The following MALRD1 variants were observed in gnomAD, a reference collection of about 807,000 sequenced individuals.
MALRD1 encodes the protein MAM and LDL receptor class A domain containing 1.
In MALRD1, 247 loss-of-function variants were observed where a neutral mutation model predicts 242.1. That is an observed-to-expected ratio of 1.02 (90% CI 0.92 to 1.13). The LOEUF (loss-of-function observed/expected upper bound fraction) is 1.13. Ranked by LOEUF, MALRD1 falls within the 50% of genes most tolerant of loss-of-function variation. The probability of loss-of-function intolerance (pLI) is 0.00; values close to 1 mark genes in which losing one functional copy is unlikely to be tolerated. For synonymous variants in MALRD1, 995 were observed against 866.6 expected, an observed-to-expected ratio of 1.15 and a Z score of -2.60; for missense variants, 2,989 against 2,533.1, an observed-to-expected ratio of 1.18 and a Z score of -3.86.
At chr10:19,057,543 C>A (rs1483760683) in intron 1 of MALRD1, among the ~76,000 whole-genome samples, 1 of 152,110 alleles carries the variant, frequency 6.6e-6, no homozygotes, top group Non-Finnish European at 1.5e-5. Context: ...CACACACATT[C>A]AGCTTATAGT....
chr10:19,467,212 GGGTGT>G (rs1346102103), intron 29 of MALRD1, among the ~76,000 whole-genome samples: 3 of 78,346 alleles, frequency 3.8e-5, no homozygotes, highest in African/African-American at 1.3e-4. Context: ...AAAATTAGCC[GGGTGT>G]GGTGGTGGGC....
intron 28 of MALRD1, among the ~76,000 whole-genome samples, chr10:19,435,497 A>G (rs1422391724): frequency 6.6e-6 from 1 of 152,174 alleles, no homozygotes; most frequent in East Asian, 1.9e-4. Context: ...TTTGGTGATC[A>G]TGAGAGTTTT....
At chr10:19,454,431 T>TATATATATATATATATATACATAC (rs1011890675) in intron 29 of MALRD1, among the ~76,000 whole-genome samples, 1 of 136,712 alleles carries the variant, frequency 7.3e-6, no homozygotes, top group African/African-American at 2.7e-5. Flanking sequence ...TATATATATA[T>TATATATATATATATATATACATAC]AATTATATGA....
chr10:19,477,843 C>T (rs945848763), intron 29 of MALRD1, among the ~76,000 whole-genome samples: 4 of 152,132 alleles, frequency 2.6e-5, no homozygotes, highest in Non-Finnish European at 5.9e-5. Flanking sequence ...TTTTATTATG[C>T]AGATGGAGTC....
chr10:19,080,402 A>G (rs1205527510), intron 2 of MALRD1, among the ~76,000 whole-genome samples: 1 of 152,082 alleles, frequency 6.6e-6, no homozygotes, highest in Admixed American at 6.6e-5. Flanking sequence ...ACAGCATGGT[A>G]CTGGTTCAGA....
Position 19,692,343 on chromosome 10 carries a change from T to C in MALRD1, c.6199T>C (p.Phe2067Leu), listed in dbSNP as rs1833111625. ...CAAGTTTAATCCTCCTGCTACAGAC[T>C]TCACATACGCTCAGAATAGTAGGTG... ...HIKFNPPATD[F>L]TYAQNNTWTL... The change falls in exon 37 of 40, where the codon TTC becomes CTC. Residue 2067 changes from phenylalanine (F) to leucine (L), a missense_variant. Transcript: ENST00000454679. 1 of 1,535,496 alleles carries C rather than the reference T, an allele frequency of 6.5e-7. No homozygotes were observed. The highest frequency in any genetic ancestry group is 8.7e-7 in the Non-Finnish European group (1 of 1,146,512).
chr10:19,348,440 G>A (rs184957143), intron 25 of MALRD1, among the ~76,000 whole-genome samples: 5 of 150,968 alleles, frequency 3.3e-5, no homozygotes, highest in Admixed American at 3.3e-4. Flanking sequence ...ATTAGAGATA[G>A]TTAGAGCCAC....
At chr10:19,522,761 C>T (rs1280938554) in intron 31 of MALRD1, among the ~76,000 whole-genome samples, 2 of 152,028 alleles carry the variant, frequency 1.3e-5, no homozygotes, top group African/African-American at 4.8e-5. Context: ...GAAATTTTCC[C>T]AAAGTCACAA....
In MALRD1 at chr10:19,238,523, T is replaced by C. The variant is rs189987295; in HGVS notation, c.2992-19161T>C. Among the ~76,000 whole-genome samples the C allele has an allele frequency of 1.5e-4, 13 of 89,420 alleles. 1 individual carries two copies. Among genetic ancestry groups the C allele is most frequent in the Non-Finnish European group, 1.9e-4 (9 of 47,458 alleles). 58.7% of individuals were successfully genotyped at this position (89,420 alleles called of 152,430 possible). A position where few individuals can be genotyped will look rare whatever the true frequency, so the allele number is the denominator to read the frequency against. On this transcript the variant is annotated intron_variant, in intron 18 of 39. Transcript: ENST00000454679. ...AATATAATATATAATGTATATTATA[T>C]ATAATATACATTATATATAATATAT...
intron 28 of MALRD1, among the ~76,000 whole-genome samples, chr10:19,441,379 C>T (rs1177002908): frequency 2.0e-5 from 3 of 152,048 alleles, no homozygotes; most frequent in Non-Finnish European, 4.4e-5. Context: ...CTTTTGTTGC[C>T]ATTGTTTTTG....
At chr10:19,272,581 A>C (rs1328033616) in intron 19 of MALRD1, among the ~76,000 whole-genome samples, 1 of 152,156 alleles carries the variant, frequency 6.6e-6, no homozygotes, top group Non-Finnish European at 1.5e-5. Context: ...TTTGTTACAT[A>C]GGTATACATG....
At chr10:19,132,782 A>G (rs1183266667) in intron 8 of MALRD1, among the ~76,000 whole-genome samples, 4 of 152,136 alleles carry the variant, frequency 2.6e-5, no homozygotes, top group Non-Finnish European at 4.4e-5. Flanking sequence ...ATTATGAACA[A>G]TTTGTTCTAT....
At chr10:19,171,676 A>G (rs1230732101) in intron 13 of MALRD1, among the ~76,000 whole-genome samples, 1 of 143,382 alleles carries the variant, frequency 7.0e-6, no homozygotes, top group Non-Finnish European at 1.5e-5. Flanking sequence ...GTATATAAAT[A>G]CACACATATA....
intron 13 of MALRD1, among the ~76,000 whole-genome samples, chr10:19,171,205 A>T (rs1447108185): frequency 6.6e-6 from 1 of 151,728 alleles, no homozygotes; most frequent in African/African-American, 2.4e-5. Context: ...ACAAAAATCA[A>T]CAAGATCCCA....
chr10:19,624,982 C>T (rs1348782558), intron 36 of MALRD1, among the ~76,000 whole-genome samples: 1 of 151,070 alleles, frequency 6.6e-6, no homozygotes, highest in Non-Finnish European at 1.5e-5. Flanking sequence ...GGGAGGATTG[C>T]TTGAGCCCAG....
At chr10:19,539,912 GCGCACACAC>G (rs1834884993) in intron 32 of MALRD1, among the ~76,000 whole-genome samples, 1 of 115,566 alleles carries the variant, frequency 8.7e-6, no homozygotes, top group African/African-American at 3.4e-5. Flanking sequence ...GCGCGCGTGC[GCGCACACAC>G]GCGCAGTGAT....
chr10:19,267,510 T>A (rs1349035446), intron 19 of MALRD1, among the ~76,000 whole-genome samples: 2 of 152,130 alleles, frequency 1.3e-5, no homozygotes, highest in Non-Finnish European at 2.9e-5. Context: ...TCACCAGCTT[T>A]ATTTACAAAT....
intron 26 of MALRD1, among the ~76,000 whole-genome samples, chr10:19,384,785 A>G (rs1846009107): frequency 6.7e-6 from 1 of 149,174 alleles, no homozygotes; most frequent in Non-Finnish European, 1.5e-5. Context: ...TGCTCAGGCT[A>G]GGACTACTAG....
At chr10:19,566,328 T>C (rs1836252426) in intron 32 of MALRD1, among the ~76,000 whole-genome samples, 1 of 148,674 alleles carries the variant, frequency 6.7e-6, no homozygotes, top group Non-Finnish European at 1.5e-5. Flanking sequence ...TTTTTTGTAT[T>C]TTTAGTAGAG....
Sources: gnomAD v4.1 joint callset for allele counts (sites outside exome capture counted in the v4.1 genomes callset) on GRCh38, gnomAD v4.1.1 for gene constraint, MANE v1.5 for transcripts, NCBI Gene and HGNC (gene_info 2026-07-23, HGNC 2026-07-21) for gene names.